The following PCDH15 variants were observed in gnomAD, a reference collection of about 807,000 sequenced individuals.
The protein encoded by PCDH15 is protocadherin related 15.
In PCDH15, 129 loss-of-function variants were observed where a neutral mutation model predicts 178.5. That is an observed-to-expected ratio of 0.72 (90% CI 0.63 to 0.84). The LOEUF (loss-of-function observed/expected upper bound fraction) is 0.84. Ranked by LOEUF, PCDH15 falls within the 40% of genes least tolerant of loss-of-function variation. The probability of loss-of-function intolerance (pLI) is 0.00; values close to 1 mark genes in which losing one functional copy is unlikely to be tolerated. For missense variants in PCDH15, 2,230 were observed against 2,099.9 expected (o/e 1.06, Z -1.21); for synonymous variants, 800 against 732.0 (o/e 1.09, Z -1.50).
At chr10:53,839,928 G>T (rs563103504) in intron 29 of PCDH15, among the ~76,000 whole-genome samples, 2 of 152,236 alleles carry the variant, frequency 1.3e-5, no homozygotes, top group Non-Finnish European at 2.9e-5. Context: ...TAAGAAAGGT[G>T]GATTTCTTCT....
chr10:55,417,870 T>TA (rs1838522909), intron 2 of PCDH15, among the ~76,000 whole-genome samples: 1 of 151,494 alleles, frequency 6.6e-6, no homozygotes, highest in African/African-American at 2.4e-5. Context: ...AAATGCATCT[T>TA]ATTGTTTTTA....
At chr10:54,175,809 G>T (rs1348095423) in intron 13 of PCDH15, among the ~76,000 whole-genome samples, 1 of 151,858 alleles carries the variant, frequency 6.6e-6, no homozygotes, top group Non-Finnish European at 1.5e-5. Flanking sequence ...ATAAAATTAG[G>T]CTATAAAAAT....
intron 2 of PCDH15, among the ~76,000 whole-genome samples, chr10:55,091,280 A>T (rs1388186760): frequency 6.6e-6 from 1 of 151,978 alleles, no homozygotes; most frequent in African/African-American, 2.4e-5. Flanking sequence ...TTGAATACTG[A>T]AAATTATCTT....
chr10:55,114,498 T>C (rs1426701034), intron 2 of PCDH15, among the ~76,000 whole-genome samples: 2 of 152,236 alleles, frequency 1.3e-5, no homozygotes, highest in Non-Finnish European at 2.9e-5. Flanking sequence ...ATTCTGACTT[T>C]TAGCTAAGCA....
chr10:54,667,565 A>C (rs1486243351), intron 1 of PCDH15, among the ~76,000 whole-genome samples: 1 of 152,114 alleles, frequency 6.6e-6, no homozygotes, highest in Non-Finnish European at 1.5e-5. Flanking sequence ...AAAGTCCTAT[A>C]GGAGATGAAT....
intron 7 of PCDH15, among the ~76,000 whole-genome samples, chr10:54,321,739 A>G (rs1221688087): frequency 2.1e-5 from 3 of 142,270 alleles, no homozygotes; most frequent in African/African-American, 8.3e-5. Flanking sequence ...ACCAAAATAC[A>G]TAATAGGAGT....
At chr10:55,593,682 C>A (rs920782269) in intron 2 of PCDH15, among the ~76,000 whole-genome samples, 7 of 151,530 alleles carry the variant, frequency 4.6e-5, no homozygotes, top group Admixed American at 1.3e-4. Context: ...CTTATCTTAT[C>A]AACCATTGAA....
At chr10:54,592,636 T>C (rs1019046082) in intron 2 of PCDH15, among the ~76,000 whole-genome samples, 1 of 152,176 alleles carries the variant, frequency 6.6e-6, no homozygotes, top group Non-Finnish European at 1.5e-5. Context: ...ATAGCTATTG[T>C]ATATAAAGCT....
At chr10:55,079,947 G>C (rs569897044) in intron 2 of PCDH15, among the ~76,000 whole-genome samples, 1 of 152,076 alleles carries the variant, frequency 6.6e-6, no homozygotes, top group African/African-American at 2.4e-5. Flanking sequence ...AGTGTGCAGG[G>C]GCTTAGGCTC....
intron 18 of PCDH15, among the ~76,000 whole-genome samples, chr10:54,042,073 A>G (rs2456698): frequency 0.032 from 4,910 of 152,176 alleles, 273 homozygotes; most frequent in African/African-American, 0.11. Flanking sequence ...CTGAAGAATC[A>G]TTCTCAAGTT....
intron 13 of PCDH15, among the ~76,000 whole-genome samples, chr10:54,166,029 T>C (rs1008697798): frequency 6.6e-6 from 1 of 152,200 alleles, no homozygotes; most frequent in Non-Finnish European, 1.5e-5. Context: ...AACCAACATA[T>C]ATTTGACTTA....
intron 18 of PCDH15, among the ~76,000 whole-genome samples, chr10:54,060,630 T>G (rs2093994312): frequency 6.6e-6 from 1 of 152,204 alleles, no homozygotes; most frequent in Admixed American, 6.5e-5. Context: ...CCAGAGAAGC[T>G]AAATTAGTTA....
At chr10:55,195,399 T>A (rs917702424) in intron 1 of PCDH15, among the ~76,000 whole-genome samples, 1 of 150,970 alleles carries the variant, frequency 6.6e-6, no homozygotes, top group Admixed American at 6.6e-5. Context: ...TCCCATCACT[T>A]TGGGAAGCCG....
At chr10:54,335,299 A>G (rs1000587601) in intron 6 of PCDH15, among the ~76,000 whole-genome samples, 1 of 152,204 alleles carries the variant, frequency 6.6e-6, no homozygotes, top group Non-Finnish European at 1.5e-5. Flanking sequence ...CCTATGACTA[A>G]CTGAAGTAAG....
chr10:54,416,179 G>C (rs958190097), intron 3 of PCDH15, among the ~76,000 whole-genome samples: 2 of 151,914 alleles, frequency 1.3e-5, no homozygotes, highest in African/African-American at 4.8e-5. Context: ...TAAGTTCTGG[G>C]ATACATGTGC....
chr10:53,808,479 G>T, intron 37 of PCDH15: 1 of 1,363,906 alleles, frequency 7.3e-7, no homozygotes. Flanking sequence ...TACTAATATA[G>T]GAAGGATTAG....
intron 3 of PCDH15, among the ~76,000 whole-genome samples, chr10:54,874,402 T>G (rs980322245): frequency 1.3e-5 from 2 of 150,300 alleles, no homozygotes; most frequent in Admixed American, 1.3e-4. Flanking sequence ...TTCCAAGTCT[T>G]TGCTATTGTG....
chr10:54,912,655 C>T (rs1954837162), intron 2 of PCDH15, among the ~76,000 whole-genome samples: 5 of 152,072 alleles, frequency 3.3e-5, no homozygotes. Context: ...AAATTGGTAC[C>T]AGAGAAGTAG....
chr10:55,166,906 T>C (rs1193762429), intron 1 of PCDH15, among the ~76,000 whole-genome samples: 1 of 152,138 alleles, frequency 6.6e-6, no homozygotes, highest in Non-Finnish European at 1.5e-5. Context: ...TCAGGTTATA[T>C]TCTTTACCCA....
Sources: allele counts gnomAD v4.1 joint callset (sites outside exome capture counted in the v4.1 genomes callset), GRCh38; gene constraint gnomAD v4.1.1; transcripts MANE v1.5; gene names NCBI Gene and HGNC (gene_info 2026-07-23, HGNC 2026-07-21).